The following RNF213 variants were observed in gnomAD, a reference collection of about 807,000 sequenced individuals.
RNF213 encodes ring finger protein 213, also known as E3 ubiquitin-protein ligase RNF213.
RNF213 carries 341 observed loss-of-function variants against 514.4 expected under a neutral mutation model. The ratio of observed to expected loss-of-function variants is 0.66; its 90% CI spans 0.61 to 0.73. RNF213 has a LOEUF of 0.73. Among genes scored for constraint, RNF213 ranks in the 30% least tolerant of loss-of-function variants. RNF213 has a pLI of 0.00. For synonymous variants in RNF213, 2,655 were observed against 2,658.2 expected, an observed-to-expected ratio of 1.00 and a Z score of 0.04; for missense variants, 5,767 against 6,615.6, an observed-to-expected ratio of 0.87 and a Z score of 4.45.
chr17:80,263,872 G>A lies in RNF213; in HGVS notation c.97+94G>A, dbSNP rs774683327. The stretch of plus-strand genomic sequence containing the variant: ...AGGAAATGGAAACCCTGGGCAGCAG[G>A]CAGCTCAGGTGGGGCCGAGGTCCTC... On this transcript the variant is annotated intron_variant, in intron 2 of 67. Transcript: ENST00000582970. The surrounding 1 kb of genome is among the most constrained non-coding windows in gnomAD (Gnocchi z 4.9). The A allele has an allele frequency of 2.1e-4, 228 of 1,087,938 alleles. No homozygotes were observed. The highest frequency in any genetic ancestry group is 2.9e-4 in the Non-Finnish European group (210 of 714,432). 67.4% of individuals were successfully genotyped at this position (1,087,938 alleles called of 1,614,324 possible). A position where few individuals can be genotyped will look rare whatever the true frequency, so the allele number is the denominator to read the frequency against.
chr17:80,347,577 C>T lies in RNF213; in HGVS notation c.9242C>T (p.Thr3081Ile). 1.2e-6 allele frequency: 2 copies of T among 1,614,146 alleles called. No homozygotes were observed. ...GSGFPKDQEY[T>I]QLCRNINRVK... The stretch of plus-strand genomic sequence containing the variant: ...GGTTTCCCCAAGGACCAAGAGTACA[C>T]CCAGCTCTGCAGAAACATCAATCGT... Residue 3081 changes from threonine to isoleucine, a missense_variant, in exon 29 of 68, where the codon ACC (threonine) becomes ATC (isoleucine). By Grantham distance (89) the Thr-to-Ile change is moderately conservative. Transcript: ENST00000582970. This position sits in a 1 kb window ranked among gnomAD's most constrained non-coding sequence, Gnocchi z 7.2.
rs1316710682 is a variant in RNF213 at position 80,372,997 on chromosome 17, C to T, written c.12774C>T (p.Cys4258=). 6.2e-7 allele frequency: 1 copy of T among 1,613,928 alleles called. No homozygotes were observed. The highest frequency in any genetic ancestry group is 8.5e-7 in the Non-Finnish European group (1 of 1,179,940). The change falls in exon 49 of 68, where the codon TGC becomes TGT. Residue 4258 remains cysteine, a synonymous_variant. Coordinates refer to ENST00000582970, the MANE Select transcript of RNF213 (RefSeq NM_001256071.3). The part of the protein sequence containing the change: ...GGPEMAKEKQ[C]YLQQVKQFCI... ...CAGAGATGGCCAAGGAGAAGCAGTG[C>T]TACCTGCAGCAAGTCAAGCAGTTCT... is the stretch of plus-strand genomic sequence containing the variant.
chr17:80,393,420 A>G lies in RNF213; in HGVS notation c.15546A>G (p.Pro5182=). Residue 5182 remains proline (P), a synonymous_variant, in exon 68 of 68, where the codon CCA becomes CCG. Coordinates refer to ENST00000582970, the MANE Select transcript of RNF213 (RefSeq NM_001256071.3). Reference sequence around the variant, plus strand: ...TTCCTGAAATGGCATCTCAGTTCCCAGAAGAGATACTGCTCGCCAGCTGTG... The same window carrying G: ...TTCCTGAAATGGCATCTCAGTTCCCGGAAGAGATACTGCTCGCCAGCTGTG... The part of the protein sequence containing the change: ...EILPEMASQF[P]EEILLASCVS... 1 of 1,614,226 alleles carries G rather than the reference A, an allele frequency of 6.2e-7. No individual in the cohort carries two copies. The highest frequency in any genetic ancestry group is 8.5e-7 in the Non-Finnish European group (1 of 1,180,012).
At chr17:80,320,181 C>A in intron 17 of RNF213, 1 of 209,960 alleles carries the variant, frequency 4.8e-6, no homozygotes, top group South Asian at 1.7e-4. Context: ...TCATCCTCCT[C>A]CCCTCTAGTC....
At chr17:80,302,788 AG>A (rs1275781230) in intron 11 of RNF213, among the ~76,000 whole-genome samples, 1 of 152,154 alleles carries the variant, frequency 6.6e-6, no homozygotes, top group African/African-American at 2.4e-5. Context: ...TGAGCCAGGG[AG>A]GTCAAGGCTG....
At position 80,394,546 on chromosome 17, in the gene RNF213, G is replaced by A. The variant is rs979654867; in HGVS notation, c.*1048G>A. On this transcript the variant is annotated 3_prime_UTR_variant, in exon 68 of 68. Coordinates refer to ENST00000582970, the MANE Select transcript of RNF213 (RefSeq NM_001256071.3). ...TTACAAAATCTGCTTTGATACTTAG[G>A]ACCTCTCTGGACTAATTTCTCTTCC... 6.6e-6 allele frequency: 1 copy of A among 152,124 alleles called. No homozygotes were observed. The highest frequency in any genetic ancestry group is 1.5e-5 in the Non-Finnish European group (1 of 68,036). The allele number at this position is 152,124 out of a possible 1,614,324, so 9.4% of individuals were successfully genotyped here. A position where few individuals can be genotyped will look rare whatever the true frequency, so the allele number is the denominator to read the frequency against.
chr17:80,356,904 A>G (rs1404304242), intron 36 of RNF213, among the ~76,000 whole-genome samples: 1 of 145,080 alleles, frequency 6.9e-6, no homozygotes, highest in Non-Finnish European at 1.5e-5. Context: ...TTTTCCCCCA[A>G]CATTAATTAC....
Position 80,385,022 on chromosome 17 carries a change from G to A in RNF213, c.14323-17G>A, listed in dbSNP as rs756497301. On this transcript the variant is annotated splice_polypyrimidine_tract_variant and intron_variant, in intron 59 of 67. Transcript: ENST00000582970. ...AGGTAAATAAAAATTGTTACTGGGT[G>A]GTCTTCCCTTCTCCAGGAAGCAGAG... 1 of 1,614,060 alleles carries A rather than the reference G, an allele frequency of 6.2e-7. No individual in the cohort carries two copies. The highest frequency in any genetic ancestry group is 1.1e-5 in the South Asian group (1 of 91,086).
chr17:80,317,399 C>T lies in RNF213; in HGVS notation c.2901+122C>T, dbSNP rs1175501589. 2.3e-6 allele frequency: 2 copies of T among 855,884 alleles called. No individual in the cohort carries two copies. The highest frequency in any genetic ancestry group is 2.0e-6 in the Non-Finnish European group (1 of 511,986). 53.0% of individuals were successfully genotyped at this position (855,884 alleles called of 1,614,324 possible). A position where few individuals can be genotyped will look rare whatever the true frequency, so the allele number is the denominator to read the frequency against. ...CTGTGGGCAGGGATGGGGTGAATCA[C>T]AGCTCCGTGTTTCTGTTTCTGATCC... On this transcript the variant is annotated intron_variant, in intron 16 of 67. Coordinates refer to ENST00000582970, the MANE Select transcript of RNF213 (RefSeq NM_001256071.3). The surrounding 1 kb of genome is among the most constrained non-coding windows in gnomAD (Gnocchi z 4.1).
intron 3 of RNF213, among the ~76,000 whole-genome samples, chr17:80,280,181 C>T (rs539954778): frequency 6.6e-6 from 1 of 152,172 alleles, no homozygotes; most frequent in Non-Finnish European, 1.5e-5. Context: ...TTAGCCAGAC[C>T]TAAGGCACAG....
chr17:80,340,299 G>A lies in RNF213; in HGVS notation c.5932G>A (p.Ala1978Thr). ...CCCGAAGCAGACCCTGTCGGCGGCA[G>A]CCGTGTTCAATGACCGGCTGTGTGT... ...RVPKQTLSAA[A>T]VFNDRLCVGI... is the part of the protein sequence containing the mutation. The change falls in exon 26 of 68, where the codon GCC (alanine) becomes ACC (threonine). Residue 1978 changes from alanine to threonine, a missense_variant. Coordinates refer to ENST00000582970, the MANE Select transcript of RNF213 (RefSeq NM_001256071.3). 6.2e-7 allele frequency: 1 copy of A among 1,613,900 alleles called. No homozygotes were observed. The highest frequency in any genetic ancestry group is 8.5e-7 in the Non-Finnish European group (1 of 1,180,012).
At chr17:80,290,485 A>ACGTGTGTGTGTGCG in intron 6 of RNF213, 85 bp from the exon 7 acceptor site, 1 of 1,523,646 alleles carries the variant, frequency 6.6e-7, no homozygotes, top group Non-Finnish European at 9.1e-7. Flanking sequence ...GTGTGTGCGC[A>ACGTGTGTGTGTGCG]CGTGTGTGTG....
At position 80,288,123 on chromosome 17, in the gene RNF213, T is replaced by C. The variant is rs377426343; in HGVS notation, c.570T>C (p.Ala190=). The change falls in exon 4 of 68, where the codon GCT becomes GCC. Residue 190 remains alanine, a synonymous_variant. Transcript: ENST00000582970. This position sits in a 1 kb window ranked among gnomAD's most constrained non-coding sequence, Gnocchi z 4.9. ...GEAGVATGSE[A]QSSPQFQDHT... The stretch of plus-strand genomic sequence containing the variant: ...CAGGAGTGGCCACAGGAAGTGAGGC[T>C]CAGAGCAGCCCGCAATTCCAGGACC... 4.4e-6 allele frequency: 7 copies of C among 1,608,874 alleles called. No homozygotes were observed. The highest frequency in any genetic ancestry group is 5.9e-6 in the Non-Finnish European group (7 of 1,177,018).
At chr17:80,324,976 A>C in intron 17 of RNF213, 54 bp from the exon 18 acceptor site, 2 of 1,499,900 alleles carry the variant, frequency 1.3e-6, no homozygotes, top group South Asian at 2.4e-5. Flanking sequence ...TGTTATTTCA[A>C]AACAAACTAA....
intron 10 of RNF213, 58 bp downstream of exon 10, chr17:80,295,871 T>G: frequency 6.3e-7 from 1 of 1,594,516 alleles, no homozygotes; most frequent in Admixed American, 1.7e-5. Flanking sequence ...TTTCTCTGAT[T>G]GCAAAAATAA....
intron 1 of RNF213, among the ~76,000 whole-genome samples, chr17:80,262,279 C>G (rs1462719018): frequency 6.6e-6 from 1 of 152,010 alleles, no homozygotes; most frequent in Non-Finnish European, 1.5e-5. Flanking sequence ...ATTTTAGTCT[C>G]TGGAATAAAA....
intron 3 of RNF213, chr17:80,278,789 A>T: frequency 6.5e-7 from 1 of 1,537,150 alleles, no homozygotes; most frequent in Non-Finnish European, 8.7e-7. Flanking sequence ...GTTTTGGTAG[A>T]TGCTGCTGTA....
chr17:80,284,374 AAAAACAAAAAC>A (rs2044399499), intron 3 of RNF213, among the ~76,000 whole-genome samples: 6 of 150,474 alleles, frequency 4.0e-5, no homozygotes. Flanking sequence ...CAAAAAAAAC[AAAAACAAAAAC>A]AAAACAAAAA....
At position 80,306,465 on chromosome 17, in the gene RNF213, G is replaced by A. The variant is rs1320889303; in HGVS notation, c.2424G>A (p.Thr808=). ...CGGGACTTGAGCAAGTCTTGAATAC[G>A]CAGGTTTGTGTCTGAAGTCGGCTCT... is the stretch of plus-strand genomic sequence containing the variant. ...RLPGLEQVLN[T]QDVQDVQNVQ... Residue 808 remains threonine, a synonymous_variant, in exon 12 of 68, where the codon ACG becomes ACA. Coordinates refer to ENST00000582970, the MANE Select transcript of RNF213 (RefSeq NM_001256071.3). 7 of 1,613,912 alleles carry A rather than the reference G, an allele frequency of 4.3e-6. No homozygotes were observed. Among genetic ancestry groups the A allele is most frequent in the African/African-American group, 1.3e-5 (1 of 75,012 alleles).
Sources: gnomAD v4.1 joint callset for allele counts (sites outside exome capture counted in the v4.1 genomes callset) on GRCh38, gnomAD v4.1.1 for gene constraint, Gnocchi (gnomAD v3.1) non-coding constraint, MANE v1.5 for transcripts, NCBI Gene and HGNC (gene_info 2026-07-23, HGNC 2026-07-21) for gene names.